The following MYT1 variants were observed in gnomAD, a reference collection of about 807,000 sequenced individuals.
MYT1 encodes myelin transcription factor I.
Under a neutral mutation model 123.0 loss-of-function variants are expected in MYT1, and 23 were observed. That is an observed-to-expected ratio of 0.19 (90% CI 0.13 to 0.26). The LOEUF (loss-of-function observed/expected upper bound fraction) is 0.26, where lower values mean the gene tolerates loss of function less well. MYT1 is among the 10% of genes least tolerant of loss of function. The pLI is 1.00. For missense variants in MYT1, 1,125 were observed against 1,472.5 expected, an observed-to-expected ratio of 0.76 and a Z score of 3.86; for synonymous variants, 518 against 575.3, an observed-to-expected ratio of 0.90 and a Z score of 1.43.
At chr20:64,237,210 A>G (rs757027150) in intron 20 of MYT1, 77 bp from the exon 21 acceptor site, 2 of 1,204,890 alleles carry the variant, frequency 1.7e-6, no homozygotes, top group South Asian at 1.3e-5. Flanking sequence ...AGTTCTAGAA[A>G]GCAGGCTTCC....
intron 10 of MYT1, among the ~76,000 whole-genome samples, chr20:64,214,173 C>A (rs1481658761): frequency 6.6e-6 from 1 of 152,212 alleles, no homozygotes; most frequent in African/African-American, 2.4e-5. Context: ...TGCTTTGTGG[C>A]CCCTGAGGTT....
At chr20:64,201,115 A>C (rs1320973811) in intron 4 of MYT1, among the ~76,000 whole-genome samples, 4 of 152,224 alleles carry the variant, frequency 2.6e-5, no homozygotes, top group Non-Finnish European at 5.9e-5. Context: ...GCAGTGAGTG[A>C]GGCACAGGAG....
Position 64,240,779 on chromosome 20 carries a change from AAC to A in MYT1, c.*332_*333del. On this transcript the variant is annotated 3_prime_UTR_variant, in exon 23 of 23. Transcript: ENST00000328439. ...TTCTCAGGGAAGTTTTGGAGTTTGCAACCACAGTATTCCTTTGTCTGTCGAGG... is the reference window on the plus strand; with the variant it reads ...TTCTCAGGGAAGTTTTGGAGTTTGCACACAGTATTCCTTTGTCTGTCGAGG... 1 of 261,072 alleles carries A rather than the reference AAC, an allele frequency of 3.8e-6. No individual in the cohort carries two copies. Among genetic ancestry groups the A allele is most frequent in the Non-Finnish European group, 7.3e-6 (1 of 136,680 alleles). The allele number at this position is 261,072 out of a possible 1,614,324, so 16.2% of individuals were successfully genotyped here.
intron 8 of MYT1, among the ~76,000 whole-genome samples, chr20:64,211,626 G>C (rs1404389341): frequency 1.3e-5 from 2 of 152,252 alleles, no homozygotes; most frequent in Non-Finnish European, 2.9e-5. Context: ...GGACAGGCTA[G>C]TGCCATCCAA....
At chr20:64,182,740 G>A (rs6011327) in intron 1 of MYT1, among the ~76,000 whole-genome samples, 9,778 of 152,120 alleles carry the variant, frequency 0.064, 436 homozygotes, top group African/African-American at 0.12. Context: ...GAGGCGCAGC[G>A]GTCCAGAGGC....
Position 64,208,433 on chromosome 20 carries a change from C to T in MYT1, c.1237C>T (p.Pro413Ser). Reference protein sequence around the residue: ...AEQSQLGLGEPGKAAKPLDTV... With the variant: ...AEQSQLGLGESGKAAKPLDTV... ...GCAGAGCCAGCTGGGCCTGGGAGAG[C>T]CAGGGAAGGCAGCAAAGCCCCTGGA... Residue 413 changes from proline to serine, a missense_variant, in exon 7 of 23, where the codon CCA becomes TCA. Pro to Ser is a moderately conservative substitution (Grantham distance 74, BLOSUM62 -1). Around this residue, in one of 4 missense-constraint regions of MYT1, gnomAD observed 429 missense variants for 604.1 expected, o/e 0.71. Coordinates refer to ENST00000328439, the MANE Select transcript of MYT1 (RefSeq NM_004535.3). This position sits in a 1 kb window ranked among gnomAD's most constrained non-coding sequence, Gnocchi z 5.4. The T allele has an allele frequency of 6.2e-7, 1 of 1,612,938 alleles. No homozygotes were observed. The highest frequency in any genetic ancestry group is 8.5e-7 in the Non-Finnish European group (1 of 1,179,850).
chr20:64,165,099 G>C (rs953173826), intron 1 of MYT1, among the ~76,000 whole-genome samples: 4 of 152,040 alleles, frequency 2.6e-5, no homozygotes, highest in African/African-American at 9.7e-5. Context: ...ATATGTCTGT[G>C]GCCGTGGGAC....
intron 1 of MYT1, among the ~76,000 whole-genome samples, chr20:64,188,518 A>T (rs1298534950): frequency 6.6e-6 from 1 of 152,140 alleles, no homozygotes; most frequent in Non-Finnish European, 1.5e-5. Context: ...GTTGACACAT[A>T]AGAAAAGAGA....
rs767736127 is a variant in MYT1 at position 64,232,415 on chromosome 20, G to A, written c.2897+30G>A. 1.6e-5 allele frequency: 26 copies of A among 1,606,482 alleles called. No homozygotes were observed. The highest frequency in any genetic ancestry group is 2.2e-5 in the Non-Finnish European group (26 of 1,174,458). On this transcript the variant is annotated intron_variant, in intron 19 of 22. Transcript: ENST00000328439. The surrounding 1 kb of genome is among the most constrained non-coding windows in gnomAD (Gnocchi z 6.9). The stretch of plus-strand genomic sequence containing the variant: ...CTGTGCCTGCAGGTCCTGCCCCTCT[G>A]TGCAGTCAGTAGGGACCCTCGCCTG...
In MYT1 at chr20:64,210,343, A is replaced by C. The variant is rs141670576; in HGVS notation, c.1292-863A>C. On this transcript the variant is annotated intron_variant, in intron 7 of 22. Coordinates refer to ENST00000328439, the MANE Select transcript of MYT1 (RefSeq NM_004535.3). ...GTGCGGTTCTGGTTCTGAGGGACTG[A>C]TGTTGGGGCACAGATGCTGCGAGAA... Among the ~76,000 whole-genome samples, 797 of 152,332 alleles carry C rather than the reference A, an allele frequency of 5.2e-3. 7 individuals carry two copies. Among genetic ancestry groups the C allele is most frequent in the Middle Eastern group, 0.01 (3 of 294 alleles).
chr20:64,181,937 C>T (rs899054183), intron 1 of MYT1, among the ~76,000 whole-genome samples: 2 of 152,172 alleles, frequency 1.3e-5, no homozygotes, highest in Non-Finnish European at 2.9e-5. Context: ...AGGGGTGTCC[C>T]CTTGGGTGTC....
chr20:64,203,635 A>T lies in MYT1; in HGVS notation c.87-1400A>T, dbSNP rs1337760951. On this transcript the variant is annotated intron_variant, in intron 4 of 22. Coordinates refer to ENST00000328439, the MANE Select transcript of MYT1 (RefSeq NM_004535.3). The surrounding 1 kb of genome is among the most constrained non-coding windows in gnomAD (Gnocchi z 5.1). ...CCCACCCTGGAAGGCTGCAGAGAAC[A>T]TCCCCCTCCCCCACCCCATGGCTGC... Among the ~76,000 whole-genome samples the T allele has an allele frequency of 6.6e-6, 1 of 151,862 alleles. No individual in the cohort carries two copies. Among genetic ancestry groups the T allele is most frequent in the African/African-American group, 2.4e-5 (1 of 41,316 alleles).
At position 64,232,425 on chromosome 20, in the gene MYT1, T is replaced by C. The variant is rs986971600; in HGVS notation, c.2897+40T>C. The stretch of plus-strand genomic sequence containing the variant: ...AGGTCCTGCCCCTCTGTGCAGTCAG[T>C]AGGGACCCTCGCCTGGGGCCTGGGG... On this transcript the variant is annotated intron_variant, in intron 19 of 22. Coordinates refer to ENST00000328439, the MANE Select transcript of MYT1 (RefSeq NM_004535.3). The surrounding 1 kb of genome is among the most constrained non-coding windows in gnomAD (Gnocchi z 6.9). 26 of 1,592,370 alleles carry C rather than the reference T, an allele frequency of 1.6e-5. No homozygotes were observed. The highest frequency in any genetic ancestry group is 2.2e-5 in the Non-Finnish European group (26 of 1,162,134).
At position 64,211,306 on chromosome 20, in the gene MYT1, T is replaced by G; in HGVS notation, c.1392T>G (p.Ser464=). ...TGTACCCTCACCACCGCAGCCTTTC[T>G]GGCTGTCCCCACAAGGATAGGATCC... is the stretch of plus-strand genomic sequence containing the variant. ...TGLYPHHRSL[S]GCPHKDRIPP... is the part of the protein sequence containing the mutation. The change falls in exon 8 of 23, where the codon TCT becomes TCG. Residue 464 remains serine (S), a synonymous_variant. Transcript: ENST00000328439. 1 of 1,613,948 alleles carries G rather than the reference T, an allele frequency of 6.2e-7. No homozygotes were observed. The highest frequency in any genetic ancestry group is 8.5e-7 in the Non-Finnish European group (1 of 1,179,856).
At position 64,176,836 on chromosome 20, in the gene MYT1, C is replaced by G. The variant is rs902966318; in HGVS notation, c.-99+12097C>G. On this transcript the variant is annotated intron_variant, in intron 1 of 22. Coordinates refer to ENST00000328439, the MANE Select transcript of MYT1 (RefSeq NM_004535.3). ...CACTGCCTGCCCTGGGCTGGGCACA[C>G]TCCTCCCCTGTTGGCAGCCGGGGAT... is the stretch of plus-strand genomic sequence containing the variant. Among the ~76,000 whole-genome samples, 6 of 152,212 alleles carry G rather than the reference C, an allele frequency of 3.9e-5. No individual in the cohort carries two copies. The South Asian group carries it at 1.2e-3, about 32-fold the overall frequency.
chr20:64,230,785 A>T lies in MYT1; in HGVS notation c.2676-1379A>T, dbSNP rs544844470. 5.0e-4 allele frequency among the ~76,000 whole-genome samples: 76 copies of T among 152,310 alleles called. 1 individual carries two copies. Among genetic ancestry groups the T allele is most frequent in the South Asian group, 1.9e-3 (9 of 4,832 alleles). On this transcript the variant is annotated intron_variant, in intron 18 of 22. Coordinates refer to ENST00000328439, the MANE Select transcript of MYT1 (RefSeq NM_004535.3). ...TCGGACTGGCTCAGGGAATGTCCTAAAAGTTTCTGAGGGCCAGGTGGGTGG... is the reference window on the plus strand; with the variant it reads ...TCGGACTGGCTCAGGGAATGTCCTATAAGTTTCTGAGGGCCAGGTGGGTGG...
intron 22 of MYT1, 92 bp from the exon 23 acceptor site, chr20:64,240,228 G>C: frequency 6.5e-7 from 1 of 1,544,218 alleles, no homozygotes; most frequent in East Asian, 2.2e-5. Context: ...CTCAGGTCAC[G>C]TGGGGACATA....
Position 64,212,052 on chromosome 20 carries a change from A to G in MYT1, c.1431A>G (p.Leu477=). Residue 477 remains leucine, a synonymous_variant, in exon 9 of 23, where the codon TTA becomes TTG. Coordinates refer to ENST00000328439, the MANE Select transcript of MYT1 (RefSeq NM_004535.3). The surrounding 1 kb of genome is among the most constrained non-coding windows in gnomAD (Gnocchi z 6.8). ...PHKDRIPPEI[L]AMHENVLKCP... ...CCACCCCCTGTTCTCTTACAGTCTT[A>G]GCCATGCATGAGAACGTGCTGAAGT... 6.2e-7 allele frequency: 1 copy of G among 1,613,450 alleles called. No homozygotes were observed. The highest frequency in any genetic ancestry group is 8.5e-7 in the Non-Finnish European group (1 of 1,179,606).
At position 64,212,196 on chromosome 20, in the gene MYT1, A is replaced by AC. The variant is rs1983691585; in HGVS notation, c.1517+58_1517+59insC. 1 of 64,986 alleles carries AC rather than the reference A, an allele frequency of 1.5e-5. No individual in the cohort carries two copies. The highest frequency in any genetic ancestry group is 2.1e-4 in the African/African-American group (1 of 4,828). The allele number at this position is 64,986 out of a possible 1,614,324, so 4.0% of individuals were successfully genotyped here. On this transcript the variant is annotated intron_variant, in intron 9 of 22. Coordinates refer to ENST00000328439, the MANE Select transcript of MYT1 (RefSeq NM_004535.3). The surrounding 1 kb of genome is among the most constrained non-coding windows in gnomAD (Gnocchi z 6.8). ...CAGGGTGGGGGCCGTGGTGGGGGCC[A>AC]GGGTGGGGGCCGTGGTGGGGGCCAG...
Sources: allele counts gnomAD v4.1 joint callset (sites outside exome capture counted in the v4.1 genomes callset), GRCh38; gene constraint gnomAD v4.1.1; regional missense constraint gnomAD v4.1.1; non-coding constraint Gnocchi (gnomAD v3.1); transcripts MANE v1.5; gene names NCBI Gene and HGNC (gene_info 2026-07-23, HGNC 2026-07-21).